MAEL: variants seen among roughly 807,000 people sequenced by gnomAD.
MAEL encodes protein maelstrom homolog.
A neutral mutation model predicts 62.0 loss-of-function variants in MAEL; 46 were observed. The ratio of observed to expected loss-of-function variants is 0.74; its 90% CI spans 0.59 to 0.95. MAEL has a LOEUF of 0.95. Ranked by LOEUF, MAEL falls within the 40% of genes least tolerant of loss-of-function variation. The probability of loss-of-function intolerance (pLI) is 0.00; values close to 1 mark genes in which losing one functional copy is unlikely to be tolerated. For missense variants in MAEL, 497 were observed against 526.8 expected, an observed-to-expected ratio of 0.94 and a Z score of 0.55; for synonymous variants, 172 against 175.5, an observed-to-expected ratio of 0.98 and a Z score of 0.16.
At chr1:167,015,345 T>C (rs1417871168) in intron 8 of MAEL, among the ~76,000 whole-genome samples, 1 of 152,232 alleles carries the variant, frequency 6.6e-6, no homozygotes, top group South Asian at 2.1e-4. Flanking sequence ...TGGGAAATTC[T>C]TAATTTTATT....
At chr1:166,977,461 A>C (rs1663627247) in intron 1 of MAEL, among the ~76,000 whole-genome samples, 1 of 152,194 alleles carries the variant, frequency 6.6e-6, no homozygotes, top group Non-Finnish European at 1.5e-5. Flanking sequence ...CTTCTCTAAG[A>C]TCAGGCAACT....
intron 5 of MAEL, 23 bp from the exon 6 acceptor site, chr1:167,004,157 C>T (rs773068345): frequency 7.5e-6 from 12 of 1,594,602 alleles, no homozygotes; most frequent in Non-Finnish European, 1.0e-5. Flanking sequence ...AAAGTTTGAA[C>T]TTCTCCTTTT....
chr1:166,997,834 T>C (rs1209950965), intron 5 of MAEL, among the ~76,000 whole-genome samples: 2 of 152,248 alleles, frequency 1.3e-5, no homozygotes, highest in African/African-American at 4.8e-5. Context: ...TAGAGCTTTA[T>C]TTTTTGTATT....
intron 6 of MAEL, 127 bp from the exon 7 acceptor site, chr1:167,004,949 A>C (rs1664830511): frequency 1.3e-6 from 1 of 741,032 alleles, no homozygotes; most frequent in South Asian, 1.9e-5. Flanking sequence ...CAAACTCCTC[A>C]GTCTTTCTCC....
In MAEL at chr1:167,019,097, C is replaced by T. The variant is rs183539231; in HGVS notation, c.1041+1138C>T. Among the ~76,000 whole-genome samples the T allele has an allele frequency of 5.0e-4, 76 of 152,244 alleles. 1 individual carries two copies. The South Asian group carries it at 0.015, about 29-fold the overall frequency. On this transcript the variant is annotated intron_variant, in intron 10 of 11. Coordinates refer to ENST00000367872, the MANE Select transcript of MAEL (RefSeq NM_032858.3). ...TTTAAACCTTTTGCCCAGTGGTTCT[C>T]GACTCCATTTGTGTCCTCCATGGGA... is the stretch of plus-strand genomic sequence containing the variant.
chr1:167,006,372 T>C lies in MAEL; in HGVS notation c.845+975T>C, dbSNP rs1664896641. Among the ~76,000 whole-genome samples the C allele has an allele frequency of 3.9e-5, 6 of 151,900 alleles. 2 individuals carry two copies. In the South Asian group the frequency reaches 1.2e-3, roughly 32 times the overall value. ...ATTTTTGAGTACAGGCCAGTTACTT[T>C]ATAGAATGTTTCTCACTTTTAGTTG... On this transcript the variant is annotated intron_variant, in intron 8 of 11. Transcript: ENST00000367872.
intron 5 of MAEL, among the ~76,000 whole-genome samples, chr1:167,000,957 T>A (rs1310289085): frequency 6.6e-6 from 1 of 152,208 alleles, no homozygotes; most frequent in Admixed American, 6.5e-5. Context: ...ACACACATGT[T>A]TATAACAGCA....
At chr1:167,000,030 G>C (rs919648003) in intron 5 of MAEL, among the ~76,000 whole-genome samples, 1 of 152,124 alleles carries the variant, frequency 6.6e-6, no homozygotes, top group South Asian at 2.1e-4. Flanking sequence ...TCATCCAAGA[G>C]CTCTGGTGGA....
At chr1:166,988,990 A>C (rs1264434393), upstream of MAEL, 1 of 220,418 alleles carries the variant, frequency 4.5e-6, no homozygotes, top group Non-Finnish European at 9.2e-6. Context: ...AAAACGCGGA[A>C]ACACCCGCAG....
At chr1:166,998,955 G>A (rs1664544643) in intron 5 of MAEL, among the ~76,000 whole-genome samples, 1 of 152,096 alleles carries the variant, frequency 6.6e-6, no homozygotes, top group South Asian at 2.1e-4. Context: ...CATGAACCAT[G>A]CCCATATAAG....
rs1274351559 is a variant in MAEL, at chr1:167,017,836, C to T, written c.918C>T (p.Ile306=). 6.2e-7 allele frequency: 1 copy of T among 1,610,478 alleles called. No individual in the cohort carries two copies. The highest frequency in any genetic ancestry group is 2.2e-5 in the East Asian group (1 of 44,806). Residue 306 remains isoleucine, a synonymous_variant, in exon 10 of 12, where the codon ATC becomes ATT. Coordinates refer to ENST00000367872, the MANE Select transcript of MAEL (RefSeq NM_032858.3). ...TTTATTTCTTTTAAAGGTACTGCAT[C>T]AGTAATTCTCTGGCCACTCTCTTTG... ...LAVCKKIAYC[I]SNSLATLFGI...
At chr1:166,989,868 CAT>C in intron 2 of MAEL, 39 bp downstream of exon 2, 1 of 1,495,458 alleles carries the variant, frequency 6.7e-7, no homozygotes, top group Non-Finnish European at 9.2e-7. Context: ...CTGCCTGGCA[CAT>C]AGGCATATTC....
intron 5 of MAEL, among the ~76,000 whole-genome samples, chr1:166,995,575 A>C (rs1439402612): frequency 6.6e-6 from 1 of 152,126 alleles, no homozygotes; most frequent in Non-Finnish European, 1.5e-5. Context: ...ATGGAAAGTA[A>C]TTACAATATG....
At chr1:167,016,350 C>A in intron 9 of MAEL, 66 bp downstream of exon 9, 1 of 1,480,304 alleles carries the variant, frequency 6.8e-7, no homozygotes, top group Non-Finnish European at 9.4e-7. Context: ...TGCCGTTTTG[C>A]TTGCTATAGC....
intron 5 of MAEL, among the ~76,000 whole-genome samples, chr1:166,997,418 TTTATC>T (rs1428398642): frequency 6.6e-6 from 1 of 152,256 alleles, no homozygotes; most frequent in Admixed American, 6.5e-5. Flanking sequence ...TTTGAGGAAG[TTTATC>T]TTATCTGCTG....
At position 166,989,373 on chromosome 1, in the gene MAEL, C is replaced by T. The variant is rs1664056711; in HGVS notation, c.21C>T (p.Ser7=). 2 of 1,609,856 alleles carry T rather than the reference C, an allele frequency of 1.2e-6. No homozygotes were observed. Among genetic ancestry groups the T allele is most frequent in the African/African-American group, 2.7e-5 (2 of 75,020 alleles). The part of the protein sequence containing the change: MPNRKA[S]RNAYYFFVQE... ...CTGCCATGCCGAACCGTAAGGCCAG[C>T]CGGAATGCTTACTATTTCTTCGTGC... Residue 7 remains serine, a synonymous_variant, in exon 1 of 12, where the codon AGC becomes AGT. Coordinates refer to ENST00000367872, the MANE Select transcript of MAEL (RefSeq NM_032858.3).
chr1:167,018,760 G>C (rs1665499151), intron 10 of MAEL, among the ~76,000 whole-genome samples: 1 of 152,114 alleles, frequency 6.6e-6, no homozygotes, highest in Non-Finnish European at 1.5e-5. Flanking sequence ...ACGTACTTTA[G>C]AATATACTGT....
intron 7 of MAEL, 37 bp downstream of exon 7, chr1:167,005,167 T>C: frequency 6.2e-7 from 1 of 1,612,458 alleles, no homozygotes; most frequent in Non-Finnish European, 8.5e-7. Context: ...AAGTGCTTTA[T>C]AGTTAATATC....
At chr1:167,018,024 A>G in intron 10 of MAEL, 65 bp downstream of exon 10, 2 of 1,481,644 alleles carry the variant, frequency 1.3e-6, no homozygotes. Context: ...GATTCTGGCC[A>G]ACAGAAACAA....
Sources: gnomAD v4.1 joint callset for allele counts (sites outside exome capture counted in the v4.1 genomes callset) on GRCh38, gnomAD v4.1.1 for gene constraint, MANE v1.5 for transcripts, NCBI Gene and HGNC (gene_info 2026-07-23, HGNC 2026-07-21) for gene names.